The following NUP50 variants were observed in gnomAD, a reference collection of about 807,000 sequenced individuals.
The protein encoded by NUP50 is nuclear pore complex protein Nup50.
In NUP50, 14 loss-of-function variants were observed where a neutral mutation model predicts 36.8. That is an observed-to-expected ratio of 0.38 (90% confidence interval 0.25 to 0.59). NUP50 has a LOEUF of 0.59. NUP50 is among the 20% of genes least tolerant of loss of function. NUP50 has a pLI of 0.63. For missense variants in NUP50, 455 were observed against 564.6 expected (o/e 0.81, Z 1.97); for synonymous variants, 195 against 210.8 (o/e 0.93, Z 0.65).
chr22:45,181,288 G>A lies in NUP50; in HGVS notation c.1006G>A (p.Gly336Arg). 1 of 1,586,184 alleles carries A rather than the reference G, an allele frequency of 6.3e-7. No homozygotes were observed. The highest frequency in any genetic ancestry group is 8.6e-7 in the Non-Finnish European group (1 of 1,168,940). ...AEGDSGECKG[G>R]DEEENDEPPK... is the part of the protein sequence containing the mutation. ...AATTATTGTCATTTTTATAAAAGGT[G>A]GAGATGAAGAAGAGAATGATGAGCC... is the stretch of plus-strand genomic sequence containing the variant. The change falls in exon 6 of 8, where the codon GGA becomes AGA. Residue 336 changes from glycine (G) to arginine (R), a missense_variant and splice_region_variant. Gly to Arg is a moderately radical substitution (Grantham distance 125). Coordinates refer to ENST00000347635, the MANE Select transcript of NUP50 (RefSeq NM_007172.4).
intron 6 of NUP50, among the ~76,000 whole-genome samples, chr22:45,183,039 G>A (rs181124975): frequency 2.6e-4 from 38 of 144,812 alleles, no homozygotes; most frequent in African/African-American, 8.9e-4. Flanking sequence ...CCAGATCGGC[G>A]ATCTTGAGCT....
intron 5 of NUP50, chr22:45,180,363 T>TTA (rs1373252865): frequency 3.3e-5 from 5 of 151,816 alleles, no homozygotes; most frequent in Admixed American, 6.5e-5. Flanking sequence ...GAGGATCCTT[T>TTA]TATATATGTG....
intron 6 of NUP50, among the ~76,000 whole-genome samples, chr22:45,182,440 A>G (rs1323222788): frequency 3.3e-5 from 5 of 152,076 alleles, no homozygotes; most frequent in Non-Finnish European, 7.4e-5. Flanking sequence ...AGACTGTCTC[A>G]AAAGAAATAC....
rs1270651814 is a variant in NUP50, at chr22:45,187,033, A to C, written c.*2378A>C. 1 of 152,208 alleles carries C rather than the reference A, an allele frequency of 6.6e-6. No individual in the cohort carries two copies. The highest frequency in any genetic ancestry group is 6.5e-5 in the Admixed American group (1 of 15,286). 9.4% of individuals were successfully genotyped at this position (152,208 alleles called of 1,614,324 possible). ...TTAGAAGTTATGCTTTAAAATGTTTAATGTGGACTGAAATTTTCATCTTTT... is the reference window on the plus strand; with the variant it reads ...TTAGAAGTTATGCTTTAAAATGTTTCATGTGGACTGAAATTTTCATCTTTT... On this transcript the variant is annotated 3_prime_UTR_variant, in exon 8 of 8. Coordinates refer to ENST00000347635, the MANE Select transcript of NUP50 (RefSeq NM_007172.4).
chr22:45,182,585 ATGT>A (rs1601789978), intron 6 of NUP50, among the ~76,000 whole-genome samples: 1 of 148,688 alleles, frequency 6.7e-6, no homozygotes, highest in Non-Finnish European at 1.5e-5. Flanking sequence ...TTATTTAAAA[ATGT>A]TGTGCAATCA....
rs935212102 is a variant in NUP50, at chr22:45,187,088, C to T, written c.*2433C>T. ...GAGAATCTATGAAGTGTATCATATA[C>T]GTGGCCTAAAGCAAGGTGTGTATTT... On this transcript the variant is annotated 3_prime_UTR_variant, in exon 8 of 8. Coordinates refer to ENST00000347635, the MANE Select transcript of NUP50 (RefSeq NM_007172.4). The T allele has an allele frequency of 2.0e-5, 3 of 151,454 alleles. No homozygotes were observed. Among genetic ancestry groups the T allele is most frequent in the South Asian group, 2.1e-4 (1 of 4,808 alleles). 9.4% of individuals were successfully genotyped at this position (151,454 alleles called of 1,614,324 possible). A position where few individuals can be genotyped will look rare whatever the true frequency, so the allele number is the denominator to read the frequency against.
intron 5 of NUP50, among the ~76,000 whole-genome samples, 170 bp from the exon 6 acceptor site, chr22:45,181,116 C>T (rs942534603): frequency 2.8e-5 from 4 of 143,864 alleles, no homozygotes; most frequent in African/African-American, 1.1e-4. Flanking sequence ...TAAAATCCTG[C>T]AGGTACTCCC....
intron 2 of NUP50, chr22:45,170,860 T>C (rs1045569523): frequency 4.1e-6 from 2 of 485,246 alleles, no homozygotes; most frequent in East Asian, 1.7e-4. Flanking sequence ...GTTAAGTACA[T>C]TTAACTTGGG....
intron 4 of NUP50, among the ~76,000 whole-genome samples, chr22:45,176,983 A>C (rs147666272): frequency 0.14 from 21,828 of 151,866 alleles, 2,021 homozygotes; most frequent in Middle Eastern, 0.24. Flanking sequence ...CTTGTGATCC[A>C]CCTGCCTTGG....
intron 2 of NUP50, among the ~76,000 whole-genome samples, chr22:45,169,391 G>C (rs560749088): frequency 6.6e-6 from 1 of 152,232 alleles, no homozygotes; most frequent in African/African-American, 2.4e-5. Context: ...ATAAAACACA[G>C]CTGTACTTAT....
At chr22:45,167,228 C>T (rs1012180102) in intron 1 of NUP50, among the ~76,000 whole-genome samples, 1 of 152,122 alleles carries the variant, frequency 6.6e-6, no homozygotes, top group Non-Finnish European at 1.5e-5. Flanking sequence ...CAAAACTAAT[C>T]AGTAAGTTTT....
chr22:45,171,055 G>GT, intron 2 of NUP50: 1 of 1,303,562 alleles, frequency 7.7e-7, no homozygotes, highest in African/African-American at 1.5e-5. Context: ...CATCAGAAGT[G>GT]TGGACATGAG....
intron 1 of NUP50, chr22:45,165,853 C>G (rs1261617234): frequency 6.6e-6 from 1 of 152,224 alleles, no homozygotes; most frequent in Non-Finnish European, 1.5e-5. Context: ...CTTAATACTT[C>G]CTGTTCCACA....
In NUP50 at chr22:45,175,861, T is replaced by C. The variant is rs552395157; in HGVS notation, c.154-33T>C. ...TGCTTTTTGGTAATAGAAAGTACAC[T>C]TACCTAATGTGTGCTCCTCCTTCAT... On this transcript the variant is annotated intron_variant, in intron 3 of 7. Coordinates refer to ENST00000347635, the MANE Select transcript of NUP50 (RefSeq NM_007172.4). 7 of 1,607,176 alleles carry C rather than the reference T, an allele frequency of 4.4e-6. No homozygotes were observed. The South Asian group carries it at 7.7e-5, about 18-fold the overall frequency.
At position 45,186,740 on chromosome 22, in the gene NUP50, G is replaced by A. The variant is rs2083451594; in HGVS notation, c.*2085G>A. 3 of 152,604 alleles carry A rather than the reference G, an allele frequency of 2.0e-5. No homozygotes were observed. In the South Asian group the frequency reaches 6.2e-4, roughly 32 times the overall value. The allele number at this position is 152,604 out of a possible 1,614,324, so 9.5% of individuals were successfully genotyped here. The stretch of plus-strand genomic sequence containing the variant: ...CTGCTAAGACTATCACTGTTAAAGT[G>A]AAAATTACAGGGAAAAATGTGATGA... On this transcript the variant is annotated 3_prime_UTR_variant, in exon 8 of 8. Transcript: ENST00000347635.
rs776063617 is a variant in NUP50, at chr22:45,184,485, A to C, written c.1237A>C (p.Asn413His). The part of the protein sequence containing the change: ...NILLNVLIPP[N>H]MPCTRTGKNN... ...ATTGCTGAACGTTCTGATTCCACCCAATATGCCATGTACGCGAACAGGGAA... is the reference window on the plus strand; with the variant it reads ...ATTGCTGAACGTTCTGATTCCACCCCATATGCCATGTACGCGAACAGGGAA... The change falls in exon 8 of 8, where the codon AAT becomes CAT. Residue 413 changes from asparagine to histidine, a missense_variant. Asn to His is a moderately conservative substitution (Grantham distance 68). Coordinates refer to ENST00000347635, the MANE Select transcript of NUP50 (RefSeq NM_007172.4). 1 of 1,613,978 alleles carries C rather than the reference A, an allele frequency of 6.2e-7. No homozygotes were observed. Among genetic ancestry groups the C allele is most frequent in the South Asian group, 1.1e-5 (1 of 91,064 alleles).
At chr22:45,169,133 C>T (rs2074143805) in intron 2 of NUP50, among the ~76,000 whole-genome samples, 1 of 152,128 alleles carries the variant, frequency 6.6e-6, no homozygotes, top group South Asian at 2.1e-4. Context: ...AACTCCTGAC[C>T]TCAAGTGATC....
Position 45,171,272 on chromosome 22 carries a change from C to T in NUP50, c.70-328C>T. The T allele has an allele frequency of 5.0e-6, 4 of 804,042 alleles. No individual in the cohort carries two copies. In the South Asian group the frequency reaches 6.8e-5, roughly 14 times the overall value. 49.8% of individuals were successfully genotyped at this position (804,042 alleles called of 1,614,324 possible). A position where few individuals can be genotyped will look rare whatever the true frequency, so the allele number is the denominator to read the frequency against. ...AGTGCAGTGGTGCTATCTCGGCTCA[C>T]TGCAACCTCCACCTCCCGGAGGGTT... On this transcript the variant is annotated intron_variant, in intron 2 of 7. Coordinates refer to ENST00000347635, the MANE Select transcript of NUP50 (RefSeq NM_007172.4).
chr22:45,167,450 C>G (rs2074111963), intron 1 of NUP50, among the ~76,000 whole-genome samples: 1 of 152,238 alleles, frequency 6.6e-6, no homozygotes, highest in East Asian at 1.9e-4. Flanking sequence ...CTGCAGAGTT[C>G]ACGCCGTTCC....
Sources: gnomAD v4.1 joint callset for allele counts (sites outside exome capture counted in the v4.1 genomes callset) on GRCh38, gnomAD v4.1.1 for gene constraint, MANE v1.5 for transcripts, NCBI Gene and HGNC (gene_info 2026-07-23, HGNC 2026-07-21) for gene names.